The following PAQR8 variants were observed in gnomAD, a reference collection of about 807,000 sequenced individuals.
PAQR8 encodes progestin and adipoQ receptor family member 8.
PAQR8 carries 17 observed loss-of-function variants against 25.2 expected under a neutral mutation model. The ratio of observed to expected loss-of-function variants is 0.67; its 90% CI spans 0.46 to 1.01. The LOEUF (loss-of-function observed/expected upper bound fraction) is 1.01, where lower values mean the gene tolerates loss of function less well. Among genes scored for constraint, PAQR8 ranks in the 50% least tolerant of loss-of-function variants. PAQR8 has a pLI of 0.00. For missense variants in PAQR8, 392 were observed against 448.4 expected, an observed-to-expected ratio of 0.87 and a Z score of 1.14; for synonymous variants, 204 against 190.6, an observed-to-expected ratio of 1.07 and a Z score of -0.58.
chr6:52,402,630 AAAAAAG>A (rs1332388663), intron 1 of PAQR8, among the ~76,000 whole-genome samples: 3,755 of 149,558 alleles, frequency 0.025, 139 homozygotes, highest in African/African-American at 0.085. Context: ...AAAAAAAAAA[AAAAAAG>A]AAAGAAAGAA....
chr6:52,364,063 A>G (rs1763321372), intron 1 of PAQR8, among the ~76,000 whole-genome samples: 1 of 136,314 alleles, frequency 7.3e-6, no homozygotes, highest in East Asian at 2.3e-4. Flanking sequence ...TATTAAGTGG[A>G]TATATCCATT....
At chr6:52,373,072 C>T (rs1246935875) in intron 1 of PAQR8, among the ~76,000 whole-genome samples, 1 of 152,228 alleles carries the variant, frequency 6.6e-6, no homozygotes, top group Non-Finnish European at 1.5e-5. Flanking sequence ...ACTGTTGTAG[C>T]TAATCCTTGC....
chr6:52,388,735 C>A (rs1367482864), intron 1 of PAQR8, among the ~76,000 whole-genome samples: 1 of 152,144 alleles, frequency 6.6e-6, no homozygotes, highest in African/African-American at 2.4e-5. Context: ...TATAAGCCAC[C>A]TAGTCTTTGA....
chr6:52,404,404 C>T lies in PAQR8; in HGVS notation c.*126C>T. The T allele has an allele frequency of 1.1e-6, 1 of 944,194 alleles. No homozygotes were observed. Among genetic ancestry groups the T allele is most frequent in the Non-Finnish European group, 1.6e-6 (1 of 640,236 alleles). 58.5% of individuals were successfully genotyped at this position (944,194 alleles called of 1,614,324 possible). On this transcript the variant is annotated 3_prime_UTR_variant, in exon 2 of 2. Transcript: ENST00000442253. ...ACATATATCCAAGGATATGTTATAGCTGCAGTGTTTGAAAGCCAAAGGATT... is the reference window on the plus strand; with the variant it reads ...ACATATATCCAAGGATATGTTATAGTTGCAGTGTTTGAAAGCCAAAGGATT...
intron 1 of PAQR8, among the ~76,000 whole-genome samples, chr6:52,391,251 T>C (rs1562432257): frequency 6.6e-6 from 1 of 152,250 alleles, no homozygotes; most frequent in Non-Finnish European, 1.5e-5. Context: ...CTAAGTGCAG[T>C]GGAGACTACA....
chr6:52,375,999 G>C (rs1763480883), intron 1 of PAQR8, among the ~76,000 whole-genome samples: 1 of 152,208 alleles, frequency 6.6e-6, no homozygotes, highest in African/African-American at 2.4e-5. Context: ...CCCAGAGCCT[G>C]TCCTGTTCCT....
intron 1 of PAQR8, among the ~76,000 whole-genome samples, chr6:52,372,733 CATATATATATATATATATGG>C (rs1203456353): frequency 1.4e-5 from 2 of 145,382 alleles, no homozygotes; most frequent in Non-Finnish European, 3.0e-5. Flanking sequence ...TGGCCAACTC[CATATATATATATATATATGG>C]ATATATATAT....
intron 1 of PAQR8, among the ~76,000 whole-genome samples, chr6:52,384,470 A>G (rs986535520): frequency 1.3e-5 from 2 of 152,124 alleles, no homozygotes; most frequent in African/African-American, 4.8e-5. Context: ...TTGGGATGGC[A>G]GTGAGTCCAA....
rs532231716 is a variant in PAQR8 at position 52,376,074 on chromosome 6, C to A, written c.-53+13825C>A. 3.3e-5 allele frequency among the ~76,000 whole-genome samples: 5 copies of A among 152,250 alleles called. No individual in the cohort carries two copies. The South Asian group carries it at 8.3e-4, about 25-fold the overall frequency. On this transcript the variant is annotated intron_variant, in intron 1 of 1. Transcript: ENST00000442253. The stretch of plus-strand genomic sequence containing the variant: ...TGTGTAGTTTAATGAGATGGGAAAG[C>A]AAAAAACTTAGTGCCTGGTTATAAC...
intron 1 of PAQR8, among the ~76,000 whole-genome samples, chr6:52,375,250 C>T (rs1360287462): frequency 6.6e-6 from 1 of 152,038 alleles, no homozygotes; most frequent in Non-Finnish European, 1.5e-5. Context: ...AACTCCAGTC[C>T]AGGCCTGGAA....
At chr6:52,395,093 T>C (rs1267498847) in intron 1 of PAQR8, among the ~76,000 whole-genome samples, 1 of 151,910 alleles carries the variant, frequency 6.6e-6, no homozygotes, top group African/African-American at 2.4e-5. Flanking sequence ...ATGGTAAAAC[T>C]CTGTCTCTAC....
rs937656482 is a variant in PAQR8, at chr6:52,389,848, C to T, written c.-52-13314C>T. ...ATGAGCAGCTCTCTTCACGTTCACCCGGGTTGGCCCGGGTCCCAGCTGGTT... is the reference window on the plus strand; with the variant it reads ...ATGAGCAGCTCTCTTCACGTTCACCTGGGTTGGCCCGGGTCCCAGCTGGTT... On this transcript the variant is annotated intron_variant, in intron 1 of 1. Transcript: ENST00000442253. Among the ~76,000 whole-genome samples the T allele has an allele frequency of 8.5e-5, 13 of 152,294 alleles. No individual in the cohort carries two copies. The East Asian group carries it at 1.5e-3, about 18-fold the overall frequency.
intron 1 of PAQR8, among the ~76,000 whole-genome samples, chr6:52,393,361 CGTCTTGCTCTGTTGTCCAG>C (rs1379726264): frequency 8.3e-6 from 1 of 119,892 alleles, no homozygotes; most frequent in Non-Finnish European, 1.6e-5. Context: ...TTTGAGACGG[CGTCTTGCTCTGTTGTCCAG>C]GCTGGAGTGC....
rs1187790230 is a variant in PAQR8 at position 52,362,748 on chromosome 6, G to A, written c.-53+499G>A. 6.6e-6 allele frequency among the ~76,000 whole-genome samples: 1 copy of A among 152,202 alleles called. No homozygotes were observed. The highest frequency in any genetic ancestry group is 2.4e-5 in the African/African-American group (1 of 41,448). ...CGGAGGGGAACGGAACCTGGGAGGG[G>A]AGTGCGGAGGAGAGGAAGCCCGGGG... On this transcript the variant is annotated intron_variant, in intron 1 of 1. Transcript: ENST00000442253. This position sits in a 1 kb window ranked among gnomAD's most constrained non-coding sequence, Gnocchi z 4.1.
intron 1 of PAQR8, among the ~76,000 whole-genome samples, chr6:52,400,056 T>G (rs992783003): frequency 1.4e-4 from 22 of 152,330 alleles, no homozygotes; most frequent in African/African-American, 5.1e-4. Flanking sequence ...ATTAGCATTT[T>G]CTTTCTCTCT....
rs1356620833 is a variant in PAQR8 at position 52,405,677 on chromosome 6, T to G, written c.*1399T>G. 1 of 167,090 alleles carries G rather than the reference T, an allele frequency of 6.0e-6. No individual in the cohort carries two copies. The highest frequency in any genetic ancestry group is 2.1e-4 in the South Asian group (1 of 4,828). 10.4% of individuals were successfully genotyped at this position (167,090 alleles called of 1,614,324 possible). On this transcript the variant is annotated 3_prime_UTR_variant, in exon 2 of 2. Coordinates refer to ENST00000442253, the MANE Select transcript of PAQR8 (RefSeq NM_133367.5). Reference sequence around the variant, plus strand: ...TGTCAGTATGAGGTCCCTTAGTTACTAAAAAGGGACATGATTTAACTCCAG... The same window carrying G: ...TGTCAGTATGAGGTCCCTTAGTTACGAAAAAGGGACATGATTTAACTCCAG...
Position 52,403,390 on chromosome 6 carries a change from G to A in PAQR8, c.177G>A (p.Gly59=). 1 of 1,614,240 alleles carries A rather than the reference G, an allele frequency of 6.2e-7. No homozygotes were observed. Among genetic ancestry groups the A allele is most frequent in the Non-Finnish European group, 8.5e-7 (1 of 1,180,034 alleles). ...TCCGCACCGGCTACCGCCCCACGGG[G>A]CACGAGTGGCGCTACTACTTCTTCA... The part of the protein sequence containing the change: ...PYIRTGYRPT[G]HEWRYYFFSL... Residue 59 remains glycine, a synonymous_variant, in exon 2 of 2, where the codon GGG becomes GGA. Transcript: ENST00000442253.
intron 1 of PAQR8, among the ~76,000 whole-genome samples, chr6:52,399,501 A>G (rs1031891102): frequency 3.9e-5 from 6 of 152,206 alleles, no homozygotes; most frequent in Admixed American, 6.5e-5. Flanking sequence ...TGGATACGCT[A>G]TTTTAAGGAT....
At chr6:52,374,794 T>A (rs1455765985) in intron 1 of PAQR8, among the ~76,000 whole-genome samples, 1 of 152,048 alleles carries the variant, frequency 6.6e-6, no homozygotes, top group Non-Finnish European at 1.5e-5. Context: ...TTCCTAGCTC[T>A]TTTTTTAACC....
Sources: allele counts gnomAD v4.1 joint callset (sites outside exome capture counted in the v4.1 genomes callset), GRCh38; gene constraint gnomAD v4.1.1; non-coding constraint Gnocchi (gnomAD v3.1); transcripts MANE v1.5; gene names NCBI Gene and HGNC (gene_info 2026-07-23, HGNC 2026-07-21).